The following KIAA1755 variants were observed in gnomAD, a reference collection of about 807,000 sequenced individuals.
The protein encoded by KIAA1755 is KIAA1755, also known as uncharacterized protein KIAA1755.
Under a neutral mutation model 91.7 loss-of-function variants are expected in KIAA1755, and 68 were observed. The observed-to-expected ratio is 0.74, with a 90% confidence interval of 0.61 to 0.91. The LOEUF is 0.91. KIAA1755 is among the 40% of genes least tolerant of loss of function. The pLI, the probability that KIAA1755 is intolerant of heterozygous loss-of-function variation, is 0.00. For synonymous variants in KIAA1755, 610 were observed against 604.6 expected, an observed-to-expected ratio of 1.01 and a Z score of -0.13; for missense variants, 1,535 against 1,494.4, an observed-to-expected ratio of 1.03 and a Z score of -0.45.
chr20:38,258,467 G>T (rs960829986), intron 1 of KIAA1755, among the ~76,000 whole-genome samples: 15 of 152,152 alleles, frequency 9.9e-5, no homozygotes, highest in African/African-American at 3.6e-4. Flanking sequence ...CTGACATGGG[G>T]GTGCCCCCAA....
chr20:38,217,718 C>T (rs899745370), intron 12 of KIAA1755: 15 of 573,798 alleles, frequency 2.6e-5, no homozygotes, highest in African/African-American at 2.4e-4. Context: ...CATGGCAGTT[C>T]ACTTTGCCTA....
intron 13 of KIAA1755, among the ~76,000 whole-genome samples, chr20:38,215,940 T>C (rs2075536072): frequency 6.6e-6 from 1 of 152,226 alleles, no homozygotes; most frequent in African/African-American, 2.4e-5. Context: ...CCAGATGGTC[T>C]GGGTTTGAAT....
At position 38,218,312 on chromosome 20, in the gene KIAA1755, TG is replaced by T. The variant is rs1308819154; in HGVS notation, c.2610del (p.Lys871ArgfsTer71). ...EGRRCLQSLT[P>X]KDGSLETVEK... ...TCCACTGTCTCCAAACTTCCATCCT[TG>T]GGGGTCAGTGATTGCAGGCACCGCC... On this transcript the variant is annotated frameshift_variant, in exon 12 of 14. Transcript: ENST00000279024. LOFTEE classifies it high-confidence loss of function. The T allele has an allele frequency of 8.1e-6, 13 of 1,614,088 alleles. No individual in the cohort carries two copies. The highest frequency in any genetic ancestry group is 1.0e-5 in the Non-Finnish European group (12 of 1,180,050).
chr20:38,249,732 G>A (rs1375797812), intron 1 of KIAA1755, among the ~76,000 whole-genome samples: 2 of 150,868 alleles, frequency 1.3e-5, no homozygotes, highest in Non-Finnish European at 3.0e-5. Context: ...CTGAGGTGGA[G>A]GGAGGGGCCT....
intron 13 of KIAA1755, among the ~76,000 whole-genome samples, chr20:38,214,701 A>T (rs763267323): frequency 9.4e-4 from 143 of 152,274 alleles, no homozygotes; most frequent in Non-Finnish European, 1.5e-3. Context: ...CCAGGCCCGC[A>T]GGCCCCCTCC....
At chr20:38,259,333 C>T (rs140715455) in intron 1 of KIAA1755, among the ~76,000 whole-genome samples, 22 of 152,118 alleles carry the variant, frequency 1.4e-4, no homozygotes, top group African/African-American at 3.9e-4. Flanking sequence ...CCAATGTATG[C>T]CCATAGTTTA....
chr20:38,217,200 A>T lies in KIAA1755; in HGVS notation c.2901+53T>A, dbSNP rs2075560670. On this transcript the variant is annotated intron_variant, in intron 13 of 13. Coordinates refer to ENST00000279024, the MANE Select transcript of KIAA1755 (RefSeq NM_001029864.2). ...GTCTAGGTATCCCTGTCCCCACCAT[A>T]GCCCCAGCCAGGGGATCGGGGGGTA... 3.4e-6 allele frequency: 5 copies of T among 1,463,054 alleles called. No individual in the cohort carries two copies. The African/African-American group carries it at 6.9e-5, about 20-fold the overall frequency. 90.6% of individuals were successfully genotyped at this position (1,463,054 alleles called of 1,614,324 possible). A position where few individuals can be genotyped will look rare whatever the true frequency, so the allele number is the denominator to read the frequency against.
chr20:38,223,637 C>A lies in KIAA1755; in HGVS notation c.2170-1G>T. The A allele has an allele frequency of 6.2e-7, 1 of 1,603,652 alleles. No individual in the cohort carries two copies. Among genetic ancestry groups the A allele is most frequent in the Non-Finnish European group, 8.5e-7 (1 of 1,175,530 alleles). On this transcript the variant is annotated splice_acceptor_variant, in intron 8 of 13. Transcript: ENST00000279024. LOFTEE classifies it high-confidence loss of function. ...GGTCAGCAAGGAAAGGGTCCAGCTTCTGCAGGACAGAGGACCAAAGGGCAG... is the reference window on the plus strand; with the variant it reads ...GGTCAGCAAGGAAAGGGTCCAGCTTATGCAGGACAGAGGACCAAAGGGCAG...
At position 38,241,471 on chromosome 20, in the gene KIAA1755, G is replaced by C. The variant is rs1029153420; in HGVS notation, c.660C>G (p.Ala220=). 3 of 1,614,222 alleles carry C rather than the reference G, an allele frequency of 1.9e-6. No homozygotes were observed. Among genetic ancestry groups the C allele is most frequent in the Non-Finnish European group, 2.5e-6 (3 of 1,180,042 alleles). Residue 220 remains alanine, a synonymous_variant, in exon 3 of 14, where the codon GCC becomes GCG. Transcript: ENST00000279024. ...DLSSPQELHQ[A]SSPDNQVLPA... Reference sequence around the variant, plus strand: ...GAAGCACCTGGTTGTCTGGGGAGCTGGCCTGGTGCAACTCTTGAGGGCTGC... The same window carrying C: ...GAAGCACCTGGTTGTCTGGGGAGCTCGCCTGGTGCAACTCTTGAGGGCTGC...
chr20:38,220,324 C>G (rs1046335737), intron 10 of KIAA1755, among the ~76,000 whole-genome samples: 3 of 125,662 alleles, frequency 2.4e-5, no homozygotes, highest in African/African-American at 9.2e-5. Flanking sequence ...TTTTTTGAGA[C>G]GGAGTCTCAC....
At chr20:38,227,421 T>C (rs2075779250) in intron 6 of KIAA1755, among the ~76,000 whole-genome samples, 181 bp from the exon 7 acceptor site, 1 of 152,370 alleles carries the variant, frequency 6.6e-6, no homozygotes, top group Non-Finnish European at 1.5e-5. Flanking sequence ...TGGTTAGAAG[T>C]CATGAGAGCA....
At chr20:38,243,310 T>A (rs555483178) in intron 2 of KIAA1755, among the ~76,000 whole-genome samples, 1 of 152,332 alleles carries the variant, frequency 6.6e-6, no homozygotes, top group East Asian at 1.9e-4. Flanking sequence ...CCCATTTATA[T>A]CAGTCATATT....
At chr20:38,220,259 A>C (rs1458494540) in intron 10 of KIAA1755, among the ~76,000 whole-genome samples, 1 of 151,060 alleles carries the variant, frequency 6.6e-6, no homozygotes, top group Middle Eastern at 3.5e-3. Context: ...AGGCCAACAA[A>C]GTCAGACTCT....
At chr20:38,256,665 T>A (rs778614240) in intron 1 of KIAA1755, among the ~76,000 whole-genome samples, 58 of 151,960 alleles carry the variant, frequency 3.8e-4, no homozygotes, top group Non-Finnish European at 7.4e-4. Context: ...TAGCTGAGCA[T>A]GGTAGCACGC....
chr20:38,223,728 G>T, intron 8 of KIAA1755, 92 bp from the exon 9 acceptor site: 1 of 891,912 alleles, frequency 1.1e-6, no homozygotes, highest in Non-Finnish European at 1.7e-6. Context: ...GAGGTGGGAG[G>T]CAGTGGCTCT....
chr20:38,240,985 G>GT lies in KIAA1755; in HGVS notation c.1145dup (p.Asp382GlufsTer55). On this transcript the variant is annotated frameshift_variant, in exon 3 of 14. Transcript: ENST00000279024. LOFTEE classifies it high-confidence loss of function. ...CACCTGCCCTGAGACCAGAGGCACA[G>GT]TCCAGTGCGTCCTCAAGGACATTCA... The GT allele has an allele frequency of 6.2e-7, 1 of 1,614,216 alleles. No individual in the cohort carries two copies.
In KIAA1755 at chr20:38,245,694, C is replaced by G. The variant is rs113368954; in HGVS notation, c.201+235G>C. Among the ~76,000 whole-genome samples, 528 of 152,334 alleles carry G rather than the reference C, an allele frequency of 3.5e-3. 3 individuals carry two copies. Among genetic ancestry groups the G allele is most frequent in the African/African-American group, 0.012 (488 of 41,560 alleles). ...AGGATGCCTTTACTCAGGCCTTCTT[C>G]TCTGCTGGTGACAGTACAATGTAAT... On this transcript the variant is annotated intron_variant, in intron 2 of 13. Transcript: ENST00000279024.
At position 38,226,042 on chromosome 20, in the gene KIAA1755, A is replaced by G. The variant is rs1204475338; in HGVS notation, c.2053-261T>C. Among the ~76,000 whole-genome samples the G allele has an allele frequency of 5.9e-5, 9 of 152,226 alleles. No individual in the cohort carries two copies. In the East Asian group the frequency reaches 1.7e-3, roughly 29 times the overall value. ...CTAGCTTGTGCCCAAGGCAGACATC[A>G]TTAATCAATCATAGCACTCGTTCCC... On this transcript the variant is annotated intron_variant, in intron 7 of 13. Coordinates refer to ENST00000279024, the MANE Select transcript of KIAA1755 (RefSeq NM_001029864.2).
chr20:38,247,975 C>T (rs1454302686), intron 1 of KIAA1755, among the ~76,000 whole-genome samples: 1 of 152,150 alleles, frequency 6.6e-6, no homozygotes, highest in Non-Finnish European at 1.5e-5. Flanking sequence ...ATGCCTGTAT[C>T]CCAGCACTTT....
Sources: allele counts gnomAD v4.1 joint callset (sites outside exome capture counted in the v4.1 genomes callset), GRCh38; gene constraint gnomAD v4.1.1; transcripts MANE v1.5; gene names NCBI Gene and HGNC (gene_info 2026-07-23, HGNC 2026-07-21).